Variants in SMYD3 observed in about 807,000 individuals in gnomAD.
SMYD3 encodes histone-lysine N-methyltransferase SMYD3.
Under a neutral mutation model 57.7 loss-of-function variants are expected in SMYD3, and 36 were observed. That is an observed-to-expected ratio of 0.62 (90% CI 0.48 to 0.82). SMYD3 has a LOEUF of 0.82. SMYD3 is among the 40% of genes least tolerant of loss of function. SMYD3 has a pLI of 0.00. For missense variants in SMYD3, 515 were observed against 538.8 expected, an observed-to-expected ratio of 0.96 and a Z score of 0.44; for synonymous variants, 211 against 195.0, an observed-to-expected ratio of 1.08 and a Z score of -0.68.
intron 10 of SMYD3, among the ~76,000 whole-genome samples, chr1:245,854,908 C>T (rs774291479): frequency 6.6e-6 from 1 of 152,170 alleles, no homozygotes; most frequent in Non-Finnish European, 1.5e-5. Flanking sequence ...TTCATGTTTT[C>T]TGGCGAAGGT....
chr1:245,874,260 T>A (rs1038712338), intron 8 of SMYD3, among the ~76,000 whole-genome samples: 15 of 152,232 alleles, frequency 9.9e-5, no homozygotes, highest in African/African-American at 3.6e-4. Context: ...ACATTCCCTC[T>A]AACATTTGTA....
chr1:246,487,949 C>T (rs1400337204), intron 1 of SMYD3, among the ~76,000 whole-genome samples: 3 of 152,184 alleles, frequency 2.0e-5, no homozygotes, highest in African/African-American at 7.2e-5. Flanking sequence ...ATGCCTCAGC[C>T]TCCCAAAGTG....
chr1:246,101,063 GGTTTTTTGTTTTTTTTT>G (rs1327964472), intron 5 of SMYD3, among the ~76,000 whole-genome samples: 14 of 92,954 alleles, frequency 1.5e-4, no homozygotes, highest in African/African-American at 3.8e-4. Flanking sequence ...TATTTTTAGG[GGTTTTTTGTTTTTTTTT>G]TTTTTTTTTT....
intron 1 of SMYD3, among the ~76,000 whole-genome samples, chr1:246,452,223 G>A (rs183501669): frequency 2.6e-5 from 4 of 152,154 alleles, no homozygotes; most frequent in South Asian, 4.2e-4. Context: ...TCTCACTTGC[G>A]GGCCAGGGGC....
At position 246,387,448 on chromosome 1, in the gene SMYD3, C is replaced by T. The variant is rs186629821; in HGVS notation, c.165-32354G>A. ...ATGGTACCAAACCAGATTCAAAATG[C>T]CAGTTTAACATTTATTCATCCCACA... On this transcript the variant is annotated intron_variant, in intron 1 of 11. Transcript: ENST00000490107. 2.4e-4 allele frequency among the ~76,000 whole-genome samples: 36 copies of T among 152,292 alleles called. 2 individuals carry two copies. Among genetic ancestry groups the T allele is most frequent in the African/African-American group, 7.5e-4 (31 of 41,564 alleles).
chr1:246,042,172 A>G (rs2059890040), intron 5 of SMYD3, among the ~76,000 whole-genome samples: 1 of 152,204 alleles, frequency 6.6e-6, no homozygotes, highest in African/African-American at 2.4e-5. Flanking sequence ...AGAAAAGCTA[A>G]TATTTCCCTC....
chr1:246,088,470 C>T (rs80112315), intron 5 of SMYD3, among the ~76,000 whole-genome samples: 9,092 of 110,744 alleles, frequency 0.082, 868 homozygotes, highest in African/African-American at 0.25. Context: ...ATTAGCCGGG[C>T]GTGGTGACAG....
At chr1:246,199,550 G>T (rs1030426452) in intron 5 of SMYD3, among the ~76,000 whole-genome samples, 2 of 152,324 alleles carry the variant, frequency 1.3e-5, no homozygotes, top group South Asian at 2.1e-4. Flanking sequence ...AGGGCTTAGA[G>T]CAGTTACAGG....
intron 1 of SMYD3, among the ~76,000 whole-genome samples, chr1:246,409,806 G>A (rs1465091602): frequency 1.3e-5 from 2 of 152,170 alleles, no homozygotes; most frequent in Non-Finnish European, 2.9e-5. Flanking sequence ...TCCTACCCAT[G>A]AGCATGGAAT....
intron 5 of SMYD3, among the ~76,000 whole-genome samples, chr1:246,197,223 T>G (rs549027667): frequency 6.6e-6 from 1 of 152,312 alleles, no homozygotes; most frequent in East Asian, 1.9e-4. Context: ...TAAATACTCC[T>G]CCTTCAAGGA....
At chr1:246,183,021 TA>T (rs1162510286) in intron 5 of SMYD3, among the ~76,000 whole-genome samples, 1 of 152,196 alleles carries the variant, frequency 6.6e-6, no homozygotes, top group African/African-American at 2.4e-5. Context: ...GCAGATTAAA[TA>T]ATTGTAACCC....
chr1:245,981,760 A>G (rs1334159121), intron 5 of SMYD3, among the ~76,000 whole-genome samples: 5 of 152,248 alleles, frequency 3.3e-5, no homozygotes, highest in Non-Finnish European at 7.3e-5. Flanking sequence ...GCTCCAATAA[A>G]GTTGTTTATG....
At chr1:246,233,808 A>T (rs1226201436) in intron 5 of SMYD3, among the ~76,000 whole-genome samples, 3 of 129,578 alleles carry the variant, frequency 2.3e-5, no homozygotes, top group East Asian at 3.9e-4. Flanking sequence ...ATGAACATAT[A>T]CCACACAGAG....
intron 8 of SMYD3, among the ~76,000 whole-genome samples, chr1:245,914,197 T>C (rs1299907711): frequency 2.0e-5 from 3 of 152,326 alleles, no homozygotes; most frequent in East Asian, 1.9e-4. Context: ...ATAGCCATTA[T>C]GGAAAACAGC....
chr1:246,470,290 G>C (rs112973300), intron 1 of SMYD3, among the ~76,000 whole-genome samples: 1 of 151,808 alleles, frequency 6.6e-6, no homozygotes, highest in Non-Finnish European at 1.5e-5. Context: ...TCAGGAGTTC[G>C]AGACTAGCCT....
chr1:246,216,572 T>A (rs1173069265), intron 5 of SMYD3, among the ~76,000 whole-genome samples: 1 of 152,154 alleles, frequency 6.6e-6, no homozygotes, highest in Non-Finnish European at 1.5e-5. Context: ...AAAGAGAACG[T>A]CTTTGTTTTT....
chr1:245,886,673 G>C (rs1237193524), intron 8 of SMYD3, among the ~76,000 whole-genome samples: 1 of 152,140 alleles, frequency 6.6e-6, no homozygotes, highest in Non-Finnish European at 1.5e-5. Flanking sequence ...CTCTCTACAA[G>C]CTCTTCTTCT....
At chr1:246,505,429 G>GAGCAGCAGC (rs111391483) in intron 1 of SMYD3, among the ~76,000 whole-genome samples, 4 of 151,604 alleles carry the variant, frequency 2.6e-5, no homozygotes, top group Non-Finnish European at 4.4e-5. Context: ...GTTTCCCAAG[G>GAGCAGCAGC]AGCAGCAGCA....
intron 5 of SMYD3, among the ~76,000 whole-genome samples, chr1:246,032,583 C>T (rs60615122): frequency 0.15 from 22,609 of 152,124 alleles, 1,965 homozygotes; most frequent in East Asian, 0.43. Context: ...AAGCTCCATT[C>T]CCTCGCATTC....
Sources: gnomAD v4.1 joint callset for allele counts (sites outside exome capture counted in the v4.1 genomes callset) on GRCh38, gnomAD v4.1.1 for gene constraint, MANE v1.5 for transcripts, NCBI Gene and HGNC (gene_info 2026-07-23, HGNC 2026-07-21) for gene names.